RYR2: variants seen among roughly 807,000 people sequenced by gnomAD.
RYR2 encodes cardiac muscle ryanodine receptor-calcium release channel.
Under a neutral mutation model 601.1 loss-of-function variants are expected in RYR2, and 227 were observed. That is an observed-to-expected ratio of 0.38 (90% CI 0.34 to 0.42). RYR2 has a LOEUF of 0.42. RYR2 is among the 10% of genes least tolerant of loss of function. The probability of loss-of-function intolerance (pLI) is 1.00; values close to 1 mark genes in which losing one functional copy is unlikely to be tolerated. For synonymous variants in RYR2, 2,223 were observed against 2,175.1 expected (o/e 1.02, Z -0.61); for missense variants, 4,646 against 6,156.5 (o/e 0.75, Z 8.21).
At chr1:237,494,498 G>A (rs1012274429) in intron 19 of RYR2, among the ~76,000 whole-genome samples, 4 of 151,974 alleles carry the variant, frequency 2.6e-5, no homozygotes, top group African/African-American at 4.8e-5. Flanking sequence ...AGGATGGGTC[G>A]GCCTCTCCCA....
At chr1:237,802,423 T>C (rs754553973) in intron 98 of RYR2, 2 of 152,166 alleles carry the variant, frequency 1.3e-5, no homozygotes, top group Non-Finnish European at 2.9e-5. Context: ...TGTCTCAAGA[T>C]TTCACTCTTT....
intron 1 of RYR2, among the ~76,000 whole-genome samples, chr1:237,080,859 A>C (rs1306268102): frequency 1.1e-5 from 1 of 90,050 alleles, no homozygotes; most frequent in Non-Finnish European, 2.3e-5. Context: ...TATTCACAAT[A>C]GCAAAGACTT....
At chr1:237,110,679 C>T (rs963672739) in intron 1 of RYR2, among the ~76,000 whole-genome samples, 3 of 152,170 alleles carry the variant, frequency 2.0e-5, no homozygotes, top group African/African-American at 7.2e-5. Context: ...AGGGGCACAC[C>T]TGCTATCTTC....
chr1:237,327,860 A>G (rs1696314925), intron 2 of RYR2, among the ~76,000 whole-genome samples: 3 of 152,218 alleles, frequency 2.0e-5, no homozygotes, highest in Admixed American at 2.0e-4. Flanking sequence ...GAAACCAAAG[A>G]TTATAAAAGT....
intron 14 of RYR2, among the ~76,000 whole-genome samples, chr1:237,449,364 G>C (rs1377391562): frequency 6.6e-6 from 1 of 151,980 alleles, no homozygotes; most frequent in African/African-American, 2.4e-5. Context: ...ACCTTTAATT[G>C]ATATTTTGTC....
chr1:237,789,615 C>T (rs1006133248), intron 92 of RYR2, among the ~76,000 whole-genome samples: 9 of 152,110 alleles, frequency 5.9e-5, no homozygotes, highest in African/African-American at 1.4e-4. Context: ...GTTGAATGGG[C>T]GCTGCAGCAC....
chr1:237,724,441 C>A (rs2149131397), intron 74 of RYR2, among the ~76,000 whole-genome samples: 1 of 151,566 alleles, frequency 6.6e-6, no homozygotes, highest in South Asian at 2.1e-4. Context: ...TACTCAAATA[C>A]CCTCCCCCAA....
intron 35 of RYR2, among the ~76,000 whole-genome samples, chr1:237,605,071 A>G (rs1676955273): frequency 6.6e-6 from 1 of 152,166 alleles, no homozygotes; most frequent in South Asian, 2.1e-4. Flanking sequence ...AACTCATTTT[A>G]TGAGGCCAGC....
At chr1:237,531,343 C>A (rs1241574409) in intron 25 of RYR2, among the ~76,000 whole-genome samples, 2 of 152,072 alleles carry the variant, frequency 1.3e-5, no homozygotes, top group African/African-American at 2.4e-5. Context: ...TGCCTGTGGG[C>A]ATTAGTAATA....
At position 237,784,986 on chromosome 1, in the gene RYR2, A is replaced by G. The variant is rs141528541; in HGVS notation, c.13260+14A>G. ...GAAAAATTTCAGGTAATTTATCTCT[A>G]AGTCACAGCAGCATTCTCTCTGGAC... On this transcript the variant is annotated intron_variant, in intron 90 of 104. Transcript: ENST00000366574. This position sits in a 1 kb window ranked among gnomAD's most constrained non-coding sequence, Gnocchi z 7.1. The G allele has an allele frequency of 0.01, 15,895 of 1,532,162 alleles. 122 individuals are homozygous for G. Among genetic ancestry groups the G allele is most frequent in the South Asian group, 0.021 (1,784 of 84,378 alleles). The allele number at this position is 1,532,162 out of a possible 1,614,324, so 94.9% of individuals were successfully genotyped here.
intron 55 of RYR2, 64 bp from the exon 56 acceptor site, chr1:237,660,746 C>G (rs544077130): frequency 1.4e-6 from 2 of 1,386,608 alleles, no homozygotes; most frequent in Non-Finnish European, 1.9e-6. Flanking sequence ...TAGAGCAAAG[C>G]GTTACTTAAC....
intron 33 of RYR2, among the ~76,000 whole-genome samples, chr1:237,594,463 CT>C (rs1430689147): frequency 6.6e-6 from 1 of 152,092 alleles, no homozygotes; most frequent in Non-Finnish European, 1.5e-5. Flanking sequence ...ATGAAGAGCT[CT>C]TTACATAAGT....
At chr1:237,668,238 A>G (rs1237115763) in intron 58 of RYR2, among the ~76,000 whole-genome samples, 2 of 152,200 alleles carry the variant, frequency 1.3e-5, no homozygotes, top group Non-Finnish European at 2.9e-5. Context: ...TGAATGACTT[A>G]GACTTCCCTC....
intron 1 of RYR2, among the ~76,000 whole-genome samples, chr1:237,132,365 G>T (rs993280158): frequency 6.6e-6 from 1 of 152,206 alleles, no homozygotes; most frequent in Non-Finnish European, 1.5e-5. Flanking sequence ...TGGTAGTAAT[G>T]TCATGGCAGA....
Position 237,656,003 on chromosome 1 carries a change from G to T in RYR2, c.8129+19G>T, listed in dbSNP as rs1683208991. The stretch of plus-strand genomic sequence containing the variant: ...CCTCAAAGTATGGACTCTTTCTATT[G>T]CAGCAGATTTTTATTGTAAATGATG... On this transcript the variant is annotated intron_variant, in intron 53 of 104. Coordinates refer to ENST00000366574, the MANE Select transcript of RYR2 (RefSeq NM_001035.3). The T allele has an allele frequency of 1.9e-6, 3 of 1,608,780 alleles. No homozygotes were observed. Among genetic ancestry groups the T allele is most frequent in the Non-Finnish European group, 2.5e-6 (3 of 1,177,598 alleles).
At chr1:237,451,496 C>A (rs1658107895) in intron 14 of RYR2, among the ~76,000 whole-genome samples, 1 of 151,204 alleles carries the variant, frequency 6.6e-6, no homozygotes, top group African/African-American at 2.4e-5. Context: ...ATCACTTAAA[C>A]CCTGAACTCA....
At chr1:237,631,608 T>A (rs952691429) in intron 42 of RYR2, 67 bp downstream of exon 42, 11 of 464,824 alleles carry the variant, frequency 2.4e-5, no homozygotes, top group Middle Eastern at 5.4e-4. Context: ...TGATATAGAA[T>A]GCAGATTTTT....
At chr1:237,660,673 C>A in intron 55 of RYR2, 137 bp from the exon 56 acceptor site, 3 of 735,468 alleles carry the variant, frequency 4.1e-6, no homozygotes, top group East Asian at 6.1e-5. Context: ...ATTTTACTTT[C>A]CTTTTTATAT....
At position 237,361,609 on chromosome 1, in the gene RYR2, A is replaced by G. The variant is rs1323221125; in HGVS notation, c.295-2749A>G. On this transcript the variant is annotated intron_variant, in intron 4 of 104. Transcript: ENST00000366574. ...GCTTTGTCACTAAATCCTTATCTAT[A>G]TAATTTTTGAGGAGACATTTCAATA... 3.9e-5 allele frequency among the ~76,000 whole-genome samples: 6 copies of G among 152,304 alleles called. No homozygotes were observed. In the South Asian group the frequency reaches 1.2e-3, roughly 32 times the overall value.
Sources: gnomAD v4.1 joint callset for allele counts (sites outside exome capture counted in the v4.1 genomes callset) on GRCh38, gnomAD v4.1.1 for gene constraint, Gnocchi (gnomAD v3.1) non-coding constraint, MANE v1.5 for transcripts, NCBI Gene and HGNC (gene_info 2026-07-23, HGNC 2026-07-21) for gene names.